The following CENPC variants were observed in gnomAD, a reference collection of about 807,000 sequenced individuals.
The protein encoded by CENPC is centromere protein C.
CENPC carries 63 observed loss-of-function variants against 112.1 expected under a neutral mutation model. That is an observed-to-expected ratio of 0.56 (90% CI 0.46 to 0.69). The LOEUF (loss-of-function observed/expected upper bound fraction) is 0.69, where lower values mean the gene tolerates loss of function less well. CENPC is among the 30% of genes least tolerant of loss of function. CENPC has a pLI of 0.00. For missense variants in CENPC, 1,000 were observed against 1,103.8 expected (o/e 0.91, Z 1.33); for synonymous variants, 333 against 367.6 (o/e 0.91, Z 1.08).
At chr4:67,541,813 T>G (rs983062924) in intron 2 of CENPC, among the ~76,000 whole-genome samples, 3 of 152,188 alleles carry the variant, frequency 2.0e-5, no homozygotes, top group Non-Finnish European at 4.4e-5. Flanking sequence ...ATTGTCCTTT[T>G]GTAATCATAA....
chr4:67,490,851 T>TAG (rs1725232159), intron 16 of CENPC, among the ~76,000 whole-genome samples: 1 of 16,668 alleles, frequency 6.0e-5, no homozygotes, highest in African/African-American at 1.3e-4. Flanking sequence ...TATATATATA[T>TAG]ATATATATAT....
intron 7 of CENPC, among the ~76,000 whole-genome samples, chr4:67,516,607 T>G (rs955916006): frequency 6.6e-6 from 1 of 151,720 alleles, no homozygotes; most frequent in African/African-American, 2.4e-5. Flanking sequence ...AATGGTAGAG[T>G]TTCACAAACT....
chr4:67,491,525 A>AGAGAGAGAGAGAGAGAGC (rs1553893257), intron 16 of CENPC, among the ~76,000 whole-genome samples: 1 of 130,094 alleles, frequency 7.7e-6, no homozygotes, highest in East Asian at 2.1e-4. Context: ...AGAGAGAGAG[A>AGAGAGAGAGAGAGAGAGC]GAGCCTGGTT....
chr4:67,529,301 G>A (rs1186707200), intron 5 of CENPC, among the ~76,000 whole-genome samples: 1 of 151,924 alleles, frequency 6.6e-6, no homozygotes, highest in Admixed American at 6.6e-5. Flanking sequence ...TCACACTCTT[G>A]ACAGTGTCCT....
At chr4:67,485,900 G>C (rs928530169) in intron 17 of CENPC, among the ~76,000 whole-genome samples, 13 of 152,086 alleles carry the variant, frequency 8.5e-5, no homozygotes, top group South Asian at 2.1e-4. Context: ...AATGGCAAAG[G>C]GGGGGAGTTT....
chr4:67,499,305 T>C (rs185846673), intron 12 of CENPC, among the ~76,000 whole-genome samples: 177 of 152,354 alleles, frequency 1.2e-3, no homozygotes, highest in Middle Eastern at 3.4e-3. Context: ...ATGAACGTCC[T>C]AGATGACATC....
At chr4:67,494,220 C>T (rs1162584327) in intron 13 of CENPC, among the ~76,000 whole-genome samples, 1 of 152,148 alleles carries the variant, frequency 6.6e-6, no homozygotes, top group Non-Finnish European at 1.5e-5. Context: ...TCAGCGTTGA[C>T]AATGTTAAAT....
intron 4 of CENPC, among the ~76,000 whole-genome samples, chr4:67,538,025 T>A (rs986052820): frequency 6.6e-6 from 1 of 151,964 alleles, no homozygotes; most frequent in Non-Finnish European, 1.5e-5. Context: ...ATTTTAAAAT[T>A]CTCGCAAAGA....
intron 1 of CENPC, 130 bp from the exon 2 acceptor site, chr4:67,544,325 G>GAGGTTATGTTATGACATAACAT (rs1292326120): frequency 1.3e-5 from 8 of 609,144 alleles, no homozygotes; most frequent in Non-Finnish European, 2.4e-5. Flanking sequence ...AAACAATTTT[G>GAGGTTATGTTATGACATAACAT]AGGTTATGTT....
At chr4:67,543,916 G>A (rs560592886) in intron 2 of CENPC, among the ~76,000 whole-genome samples, 222 of 152,272 alleles carry the variant, frequency 1.5e-3, no homozygotes, top group African/African-American at 5.1e-3. Context: ...AGTCAGAACT[G>A]AGACTCCCTC....
At chr4:67,531,110 G>A (rs932671517) in intron 4 of CENPC, among the ~76,000 whole-genome samples, 196 bp from the exon 5 acceptor site, 1 of 152,080 alleles carries the variant, frequency 6.6e-6, no homozygotes, top group Non-Finnish European at 1.5e-5. Flanking sequence ...ATTCAGTAAA[G>A]CTGAAATTTC....
intron 12 of CENPC, among the ~76,000 whole-genome samples, chr4:67,498,124 T>C (rs1187837977): frequency 1.3e-5 from 2 of 151,848 alleles, no homozygotes; most frequent in Non-Finnish European, 2.9e-5. Flanking sequence ...TCCCAGCTAC[T>C]CTTGGTGGCT....
chr4:67,507,552 T>C lies in CENPC; in HGVS notation c.1905-618A>G, dbSNP rs76391662. Among the ~76,000 whole-genome samples the C allele has an allele frequency of 6.1e-4, 93 of 152,184 alleles. 1 individual carries two copies. In the East Asian group the frequency reaches 9.3e-3, roughly 15 times the overall value. ...GACAAACTCCTAGAAAGACACAAATTATCAAAATTGATTCAAGAGGAAACA... is the reference window on the plus strand; with the variant it reads ...GACAAACTCCTAGAAAGACACAAATCATCAAAATTGATTCAAGAGGAAACA... On this transcript the variant is annotated intron_variant, in intron 10 of 18. Coordinates refer to ENST00000273853, the MANE Select transcript of CENPC (RefSeq NM_001812.4).
intron 4 of CENPC, among the ~76,000 whole-genome samples, chr4:67,532,390 T>C: frequency 6.6e-6 from 1 of 152,206 alleles, no homozygotes; most frequent in Non-Finnish European, 1.5e-5. Context: ...AGCCATCCCA[T>C]TACTGGGCAT....
At chr4:67,532,281 A>G (rs1016688190) in intron 4 of CENPC, among the ~76,000 whole-genome samples, 25 of 152,166 alleles carry the variant, frequency 1.6e-4, no homozygotes, top group African/African-American at 6.0e-4. Context: ...AAATAGGAAC[A>G]CTTTTACACT....
intron 16 of CENPC, among the ~76,000 whole-genome samples, chr4:67,490,877 TAGAA>T (rs1281731883): frequency 2.8e-3 from 20 of 7,224 alleles, no homozygotes; most frequent in African/African-American, 3.8e-3. Flanking sequence ...TATATATATA[TAGAA>T]ATATATAGAA....
Position 67,508,905 on chromosome 4 carries a change from C to A in CENPC, c.1813G>T (p.Gly605Cys), listed in dbSNP as rs767027726. Residue 605 changes from glycine (G) to cysteine (C), a missense_variant, in exon 10 of 19, where the codon GGT becomes TGT. Transcript: ENST00000273853. ...LNAEGSGGIV[G>C]HDEISRCSLS... ...GAACATCTGGAAATTTCATCATGACCAACGATACCTCCAGAACCTTCAGCA... is the reference window on the plus strand; with the variant it reads ...GAACATCTGGAAATTTCATCATGACAAACGATACCTCCAGAACCTTCAGCA... The A allele has an allele frequency of 6.2e-7, 1 of 1,613,670 alleles. No individual in the cohort carries two copies. Among genetic ancestry groups the A allele is most frequent in the South Asian group, 1.1e-5 (1 of 91,074 alleles).
chr4:67,511,392 C>T (rs1577990769), intron 9 of CENPC, among the ~76,000 whole-genome samples: 1 of 152,122 alleles, frequency 6.6e-6, no homozygotes, highest in Admixed American at 6.6e-5. Flanking sequence ...TATGTGAATG[C>T]TACCTTATGA....
At chr4:67,482,556 C>G (rs1454076481) in intron 17 of CENPC, among the ~76,000 whole-genome samples, 1 of 152,158 alleles carries the variant, frequency 6.6e-6, no homozygotes, top group Admixed American at 6.5e-5. Context: ...TAGAATAGTA[C>G]TCAACCATAA....
Sources: gnomAD v4.1 joint callset for allele counts (sites outside exome capture counted in the v4.1 genomes callset) on GRCh38, gnomAD v4.1.1 for gene constraint, MANE v1.5 for transcripts, NCBI Gene and HGNC (gene_info 2026-07-23, HGNC 2026-07-21) for gene names.